The following CNTNAP2 variants were observed in gnomAD, a reference collection of about 807,000 sequenced individuals.
The protein encoded by CNTNAP2 is contactin associated protein 2.
CNTNAP2 carries 98 observed loss-of-function variants against 155.2 expected under a neutral mutation model. That is an observed-to-expected ratio of 0.63 (90% CI 0.54 to 0.75). CNTNAP2 has a LOEUF of 0.75. Ranked by LOEUF, CNTNAP2 falls within the 30% of genes least tolerant of loss-of-function variation. CNTNAP2 has a pLI of 0.00. For synonymous variants in CNTNAP2, 651 were observed against 631.2 expected (o/e 1.03, Z -0.47); for missense variants, 1,727 against 1,688.1 (o/e 1.02, Z -0.40).
intron 15 of CNTNAP2, among the ~76,000 whole-genome samples, chr7:148,054,925 C>T: frequency 6.6e-6 from 1 of 150,852 alleles, no homozygotes; most frequent in East Asian, 1.9e-4. Flanking sequence ...CTCTGTCAGC[C>T]AGGCTGGAGT....
chr7:146,773,160 T>C (rs1241750045), intron 1 of CNTNAP2, among the ~76,000 whole-genome samples: 1 of 151,182 alleles, frequency 6.6e-6, no homozygotes, highest in East Asian at 1.9e-4. Context: ...GTTGGCAAAA[T>C]GAGAAAGATC....
chr7:147,498,424 G>A (rs1798750374), intron 11 of CNTNAP2, among the ~76,000 whole-genome samples: 1 of 152,176 alleles, frequency 6.6e-6, no homozygotes, highest in South Asian at 2.1e-4. Flanking sequence ...TTGCTTTCCT[G>A]CAGTGTGATT....
At chr7:146,750,549 T>G (rs988935163) in intron 1 of CNTNAP2, among the ~76,000 whole-genome samples, 1 of 152,194 alleles carries the variant, frequency 6.6e-6, no homozygotes, top group Non-Finnish European at 1.5e-5. Flanking sequence ...AGATGCTGTG[T>G]GGATACTGGT....
chr7:148,370,511 G>A (rs1262501319), intron 21 of CNTNAP2, among the ~76,000 whole-genome samples: 3 of 152,198 alleles, frequency 2.0e-5, no homozygotes, highest in Admixed American at 2.0e-4. Flanking sequence ...TGGATTTTCT[G>A]TGGAGATTTA....
At chr7:147,837,255 A>C (rs1798649490) in intron 13 of CNTNAP2, among the ~76,000 whole-genome samples, 2 of 152,198 alleles carry the variant, frequency 1.3e-5, no homozygotes, top group South Asian at 4.1e-4. Flanking sequence ...ACATGGTGGC[A>C]GACAAGAGAA....
At chr7:147,796,358 T>C (rs1185058313) in intron 13 of CNTNAP2, among the ~76,000 whole-genome samples, 1 of 152,168 alleles carries the variant, frequency 6.6e-6, no homozygotes, top group Non-Finnish European at 1.5e-5. Context: ...GCACCTTTAA[T>C]TATTAATGAC....
chr7:148,137,121 T>A (rs1804970303), intron 16 of CNTNAP2, among the ~76,000 whole-genome samples: 1 of 152,160 alleles, frequency 6.6e-6, no homozygotes, highest in Admixed American at 6.6e-5. Context: ...TTCTACAACT[T>A]TAAAGGAGCA....
At chr7:147,649,212 TTAAAA>T (rs1252339531) in intron 13 of CNTNAP2, among the ~76,000 whole-genome samples, 2 of 152,100 alleles carry the variant, frequency 1.3e-5, no homozygotes, top group Non-Finnish European at 2.9e-5. Context: ...AGCTTAGTCT[TTAAAA>T]TAACAAATAT....
intron 14 of CNTNAP2, among the ~76,000 whole-genome samples, chr7:147,924,138 C>CTTT (rs758820864): frequency 4.9e-5 from 2 of 41,212 alleles, no homozygotes; most frequent in Non-Finnish European, 8.5e-5. Flanking sequence ...CTTTTCTTTT[C>CTTT]TTTTCTTTTT....
chr7:146,602,934 C>A (rs1262384225), intron 1 of CNTNAP2, among the ~76,000 whole-genome samples: 2 of 143,822 alleles, frequency 1.4e-5, no homozygotes, highest in African/African-American at 5.0e-5. Context: ...CCGTTATTCC[C>A]AGATAACAGC....
chr7:147,362,764 A>G (rs1461102934), intron 9 of CNTNAP2, among the ~76,000 whole-genome samples: 2 of 152,198 alleles, frequency 1.3e-5, no homozygotes, highest in African/African-American at 4.8e-5. Flanking sequence ...CCTGTCCTAG[A>G]TACAGTTTTT....
At chr7:146,956,633 T>C (rs1797443657) in intron 3 of CNTNAP2, among the ~76,000 whole-genome samples, 1 of 152,178 alleles carries the variant, frequency 6.6e-6, no homozygotes, top group Admixed American at 6.5e-5. Flanking sequence ...TTAATGTATT[T>C]CCTACTCAGG....
At chr7:147,923,682 TAA>T (rs60790085) in intron 14 of CNTNAP2, among the ~76,000 whole-genome samples, 242 of 144,554 alleles carry the variant, frequency 1.7e-3, no homozygotes, top group Admixed American at 1.8e-3. Context: ...CCCAGCTAAT[TAA>T]AAAAAAAAAA....
rs188978554 is a variant in CNTNAP2, at chr7:146,627,116, G to A, written c.98-147155G>A. Among the ~76,000 whole-genome samples, 254 of 152,246 alleles carry A rather than the reference G, an allele frequency of 1.7e-3. 6 individuals carry two copies. Among genetic ancestry groups the A allele is most frequent in the Middle Eastern group, 3.4e-3 (1 of 294 alleles). ...CAAGTCACATCTTACATGGATGGCA[G>A]CAGGCAAAGGGAGAGCTTGTACAGG... On this transcript the variant is annotated intron_variant, in intron 1 of 23. Coordinates refer to ENST00000361727, the MANE Select transcript of CNTNAP2 (RefSeq NM_014141.6).
At chr7:147,863,801 C>G (rs1039308827) in intron 13 of CNTNAP2, among the ~76,000 whole-genome samples, 78 of 147,656 alleles carry the variant, frequency 5.3e-4, no homozygotes, top group Admixed American at 5.4e-4. Flanking sequence ...AAATTTGTTT[C>G]AGTTCTTCGT....
Position 147,422,980 on chromosome 7 carries a change from T to A in CNTNAP2, c.1670+27200T>A, listed in dbSNP as rs550102668. The stretch of plus-strand genomic sequence containing the variant: ...CAACAACAAAATTTTAACTTCTTTG[T>A]AAGAAATCAATTGTAGATAATGAAT... On this transcript the variant is annotated intron_variant, in intron 10 of 23. Transcript: ENST00000361727. 1.2e-3 allele frequency among the ~76,000 whole-genome samples: 183 copies of A among 152,304 alleles called. 2 individuals carry two copies. The highest frequency in any genetic ancestry group is 6.8e-3 in the Middle Eastern group (2 of 294).
intron 13 of CNTNAP2, among the ~76,000 whole-genome samples, chr7:147,839,903 A>G (rs1798699572): frequency 6.6e-6 from 1 of 151,580 alleles, no homozygotes; most frequent in Non-Finnish European, 1.5e-5. Flanking sequence ...GTGTGTATAT[A>G]TATGTGTGTG....
intron 1 of CNTNAP2, among the ~76,000 whole-genome samples, chr7:146,453,247 A>G (rs149825588): frequency 3.0e-3 from 462 of 152,328 alleles, no homozygotes; most frequent in Middle Eastern, 0.01. Flanking sequence ...ATTAAAAGGA[A>G]CAATTCCTGA....
intron 13 of CNTNAP2, among the ~76,000 whole-genome samples, chr7:147,658,687 G>C (rs976871951): frequency 6.6e-6 from 1 of 152,172 alleles, no homozygotes; most frequent in African/African-American, 2.4e-5. Context: ...TAAATGATAG[G>C]ATTGCAAGTT....
Sources: gnomAD v4.1 joint callset for allele counts (sites outside exome capture counted in the v4.1 genomes callset) on GRCh38, gnomAD v4.1.1 for gene constraint, MANE v1.5 for transcripts, NCBI Gene and HGNC (gene_info 2026-07-23, HGNC 2026-07-21) for gene names.